The following PCED1B variants were observed in gnomAD, a reference collection of about 807,000 sequenced individuals.
The protein encoded by PCED1B is PC-esterase domain containing 1B, also known as PC-esterase domain-containing protein 1B.
For synonymous variants in PCED1B, 251 were observed against 246.1 expected, an observed-to-expected ratio of 1.02 and a Z score of -0.19; for missense variants, 573 against 573.9, an observed-to-expected ratio of 1.00 and a Z score of 0.02.
At chr12:47,142,712 C>T (rs891179252) in intron 2 of PCED1B, among the ~76,000 whole-genome samples, 3 of 151,768 alleles carry the variant, frequency 2.0e-5, no homozygotes, top group Non-Finnish European at 4.4e-5. Context: ...CAGACTTGAT[C>T]GCGCAGAAGA....
In PCED1B at chr12:47,089,373, G is replaced by C. The variant is rs369406880; in HGVS notation, c.-609+9648G>C. Among the ~76,000 whole-genome samples the C allele has an allele frequency of 4.0e-5, 6 of 149,222 alleles. No homozygotes were observed. The East Asian group carries it at 1.2e-3, about 30-fold the overall frequency. On this transcript the variant is annotated intron_variant, in intron 1 of 3. Transcript: ENST00000546455. ...GAGGCAGAAGAATGGCATGAACCCG[G>C]GTGGCGGGGCTTGCAGTGAGCTGAG...
intron 2 of PCED1B, among the ~76,000 whole-genome samples, chr12:47,200,362 A>G (rs1374765339): frequency 6.6e-6 from 1 of 152,240 alleles, no homozygotes; most frequent in African/African-American, 2.4e-5. Context: ...ACCATATATC[A>G]TTAGGGAATT....
intron 2 of PCED1B, among the ~76,000 whole-genome samples, chr12:47,124,869 T>C (rs1268123587): frequency 6.6e-6 from 1 of 151,948 alleles, no homozygotes; most frequent in Non-Finnish European, 1.5e-5. Flanking sequence ...ATTGAATGGG[T>C]TTGTATGATA....
intron 2 of PCED1B, among the ~76,000 whole-genome samples, chr12:47,122,241 A>G (rs1186546030): frequency 5.9e-5 from 9 of 151,362 alleles, no homozygotes; most frequent in Admixed American, 4.6e-4. Context: ...GAGAATGTGT[A>G]TACAATCTAG....
At chr12:47,202,594 T>TAAAAAAAAAAAAAAAAAAAAAAAAAAA (rs60769675) in intron 2 of PCED1B, among the ~76,000 whole-genome samples, 2 of 66,676 alleles carry the variant, frequency 3.0e-5, no homozygotes, top group Non-Finnish European at 5.9e-5. Flanking sequence ...TAGACATTAG[T>TAAAAAAAAAAAAAAAAAAAAAAAAAAA]AAAAAAAAAA....
At chr12:47,187,426 A>G (rs2137637874) in intron 2 of PCED1B, among the ~76,000 whole-genome samples, 2 of 152,304 alleles carry the variant, frequency 1.3e-5, no homozygotes, top group South Asian at 4.1e-4. Flanking sequence ...CAAGGGGATT[A>G]TTAACTCAGT....
chr12:47,223,205 G>C (rs1943537540), intron 3 of PCED1B, among the ~76,000 whole-genome samples: 1 of 152,158 alleles, frequency 6.6e-6, no homozygotes, highest in Non-Finnish European at 1.5e-5. Context: ...ATACAAGGGT[G>C]TCACAAATAC....
chr12:47,158,102 T>A (rs1941252983), intron 2 of PCED1B, among the ~76,000 whole-genome samples: 1 of 152,248 alleles, frequency 6.6e-6, no homozygotes, highest in African/African-American at 2.4e-5. Context: ...TGTTATGAAT[T>A]ATGCTGCTAT....
At position 47,235,949 on chromosome 12, in the gene PCED1B, T is replaced by TC. The variant is rs756139849; in HGVS notation, c.891dup (p.Thr298HisfsTer101). The TC allele has an allele frequency of 1.1e-5, 18 of 1,610,630 alleles. No homozygotes were observed. The highest frequency in any genetic ancestry group is 1.5e-5 in the Non-Finnish European group (18 of 1,178,826). ...CTTACCTCTGTCCCCACCCTTACCT[T>TC]CCCCCACATACCGCCCCCTGCTTGG... On this transcript the variant is annotated frameshift_variant, in exon 4 of 4. Coordinates refer to ENST00000546455, the MANE Select transcript of PCED1B (RefSeq NM_138371.3). LOFTEE classifies it low-confidence loss of function (END_TRUNC).
At chr12:47,110,312 A>G (rs10748461) in intron 2 of PCED1B, among the ~76,000 whole-genome samples, 132,320 of 152,176 alleles carry the variant, frequency 0.87, 58,029 homozygotes, top group East Asian at 0.95. Flanking sequence ...TTTGGAGGCC[A>G]TAATGTGAGC....
chr12:47,217,444 GAA>G (rs769858830), intron 3 of PCED1B, among the ~76,000 whole-genome samples: 3 of 80,476 alleles, frequency 3.7e-5, no homozygotes, highest in African/African-American at 1.5e-4. Flanking sequence ...AAAAAAGAAA[GAA>G]AGAAAGAAAG....
At chr12:47,163,915 T>C (rs1432753441) in intron 2 of PCED1B, among the ~76,000 whole-genome samples, 1 of 152,144 alleles carries the variant, frequency 6.6e-6, no homozygotes, top group Non-Finnish European at 1.5e-5. Flanking sequence ...CAAGAGAGTC[T>C]AGGAAGCAAA....
At chr12:47,232,430 A>C (rs1248518672) in intron 3 of PCED1B, among the ~76,000 whole-genome samples, 1 of 152,182 alleles carries the variant, frequency 6.6e-6, no homozygotes, top group African/African-American at 2.4e-5. Context: ...ACCCATTTAA[A>C]ACTACAAATA....
At chr12:47,211,517 A>G (rs1943078310) in intron 2 of PCED1B, among the ~76,000 whole-genome samples, 1 of 151,098 alleles carries the variant, frequency 6.6e-6, no homozygotes, top group East Asian at 2.0e-4. Flanking sequence ...AGCCAGGTGT[A>G]GTGGCACATG....
chr12:47,202,752 A>G (rs967555214), intron 2 of PCED1B, among the ~76,000 whole-genome samples: 2 of 151,898 alleles, frequency 1.3e-5, no homozygotes, highest in African/African-American at 4.8e-5. Flanking sequence ...TTTATTTTTG[A>G]AAAATTGGAA....
chr12:47,151,771 T>C (rs11183761), intron 2 of PCED1B, among the ~76,000 whole-genome samples: 2 of 152,020 alleles, frequency 1.3e-5, no homozygotes, highest in South Asian at 4.1e-4. Context: ...CTACTTAGTC[T>C]TTTATTCTAT....
intron 2 of PCED1B, among the ~76,000 whole-genome samples, chr12:47,214,492 A>AT: frequency 6.6e-6 from 1 of 152,216 alleles, no homozygotes; most frequent in East Asian, 1.9e-4. Context: ...TTAAATTGAC[A>AT]TAAAACAGAT....
chr12:47,219,392 A>G (rs832724), intron 3 of PCED1B, among the ~76,000 whole-genome samples: 63,952 of 152,060 alleles, frequency 0.42, 14,823 homozygotes, highest in African/African-American at 0.63. Flanking sequence ...ACTCAACCCT[A>G]GATTCCTGTT....
At chr12:47,123,259 T>C (rs1007284652) in intron 2 of PCED1B, among the ~76,000 whole-genome samples, 3 of 152,300 alleles carry the variant, frequency 2.0e-5, no homozygotes. Context: ...AAAAAAGTGC[T>C]TTCATGTTAC....
Sources: allele counts gnomAD v4.1 joint callset (sites outside exome capture counted in the v4.1 genomes callset), GRCh38; gene constraint gnomAD v4.1.1; transcripts MANE v1.5; gene names NCBI Gene and HGNC (gene_info 2026-07-23, HGNC 2026-07-21).